The following ADAMTS17 variants were observed in gnomAD, a reference collection of about 807,000 sequenced individuals.
ADAMTS17 encodes ADAM metallopeptidase with thrombospondin type 1 motif 17, also known as A disintegrin and metalloproteinase with thrombospondin motifs 17.
Under a neutral mutation model 141.5 loss-of-function variants are expected in ADAMTS17, and 113 were observed. The observed-to-expected ratio is 0.80, with a 90% confidence interval of 0.69 to 0.93. The LOEUF (loss-of-function observed/expected upper bound fraction) is 0.93. Among genes scored for constraint, ADAMTS17 ranks in the 40% least tolerant of loss-of-function variants. ADAMTS17 has a pLI of 0.00. For missense variants in ADAMTS17, 1,659 were observed against 1,517.9 expected, an observed-to-expected ratio of 1.09 and a Z score of -1.54; for synonymous variants, 768 against 630.6, an observed-to-expected ratio of 1.22 and a Z score of -3.27.
chr15:100,058,585 C>A (rs568776131), intron 15 of ADAMTS17, among the ~76,000 whole-genome samples: 66 of 152,036 alleles, frequency 4.3e-4, no homozygotes, highest in Non-Finnish European at 7.8e-4. Context: ...GGTTATAAGA[C>A]CATCCTCAGA....
intron 8 of ADAMTS17, among the ~76,000 whole-genome samples, chr15:100,175,478 A>T (rs1375046592): frequency 1.3e-5 from 2 of 152,170 alleles, no homozygotes; most frequent in Non-Finnish European, 2.9e-5. Flanking sequence ...GGCCTTCAAG[A>T]GAATCCTAAT....
chr15:99,982,129 G>T (rs1596148457), intron 20 of ADAMTS17, among the ~76,000 whole-genome samples: 3 of 152,264 alleles, frequency 2.0e-5, no homozygotes, highest in African/African-American at 7.2e-5. Context: ...AGTAGAGGCA[G>T]TGTGGAATAG....
At chr15:100,283,640 G>A (rs542223729) in intron 3 of ADAMTS17, among the ~76,000 whole-genome samples, 1 of 152,314 alleles carries the variant, frequency 6.6e-6, no homozygotes, top group East Asian at 1.9e-4. Flanking sequence ...TTCACACCTT[G>A]TCGTATATTT....
In ADAMTS17 at chr15:99,993,695, G is replaced by A. The variant is rs2060737254; in HGVS notation, c.2797-495C>T. Among the ~76,000 whole-genome samples the A allele has an allele frequency of 1.3e-5, 2 of 152,220 alleles. No homozygotes were observed. Among genetic ancestry groups the A allele is most frequent in the Non-Finnish European group, 2.9e-5 (2 of 68,042 alleles). On this transcript the variant is annotated intron_variant, in intron 19 of 21. Transcript: ENST00000268070. This position sits in a 1 kb window ranked among gnomAD's most constrained non-coding sequence, Gnocchi z 4.3. ...AACTCCTCGATCCAGCCGGGAGAAG[G>A]AGGAGGAGGCGGCAGAAGGAAGGAA... is the stretch of plus-strand genomic sequence containing the variant.
intron 15 of ADAMTS17, among the ~76,000 whole-genome samples, chr15:100,058,959 G>A (rs2032886480): frequency 6.6e-6 from 1 of 152,196 alleles, no homozygotes; most frequent in Non-Finnish European, 1.5e-5. Context: ...GTTCTCTGGG[G>A]AAAATAGCCT....
chr15:100,321,419 A>AT (rs1316328782), intron 3 of ADAMTS17, among the ~76,000 whole-genome samples: 2 of 152,236 alleles, frequency 1.3e-5, no homozygotes, highest in Admixed American at 6.5e-5. Flanking sequence ...CAAATTTGAC[A>AT]TTTTTTAAAA....
intron 7 of ADAMTS17, among the ~76,000 whole-genome samples, chr15:100,249,865 C>T (rs1303709205): frequency 6.6e-6 from 1 of 152,186 alleles, no homozygotes; most frequent in African/African-American, 2.4e-5. Context: ...CATTAAAACA[C>T]TTAACAATAA....
chr15:100,324,618 C>T (rs12050809), intron 3 of ADAMTS17, among the ~76,000 whole-genome samples: 54,923 of 151,924 alleles, frequency 0.36, 10,824 homozygotes, highest in Middle Eastern at 0.5. Flanking sequence ...TACTAAGATT[C>T]CTTGATTTCT....
intron 6 of ADAMTS17, among the ~76,000 whole-genome samples, chr15:100,260,645 A>C (rs2043485940): frequency 6.6e-6 from 1 of 152,032 alleles, no homozygotes; most frequent in Admixed American, 6.5e-5. Context: ...ACAAAAAACA[A>C]AACAAAACAA....
In ADAMTS17 at chr15:99,997,831, G is replaced by A. The variant is rs892783590; in HGVS notation, c.2592-242C>T. On this transcript the variant is annotated intron_variant, in intron 18 of 21. Coordinates refer to ENST00000268070, the MANE Select transcript of ADAMTS17 (RefSeq NM_139057.4). The surrounding 1 kb of genome is among the most constrained non-coding windows in gnomAD (Gnocchi z 4.7). ...ATCTTTCTGCAACCAACACCCCTAC[G>A]GCAGACAGAATTATCTGGTCACGGC... Among the ~76,000 whole-genome samples the A allele has an allele frequency of 7.9e-5, 12 of 152,106 alleles. No individual in the cohort carries two copies. Among genetic ancestry groups the A allele is most frequent in the African/African-American group, 9.7e-5 (4 of 41,414 alleles).
chr15:100,024,569 C>T (rs965453180), intron 18 of ADAMTS17, among the ~76,000 whole-genome samples: 9 of 152,280 alleles, frequency 5.9e-5, no homozygotes, highest in East Asian at 5.8e-4. Context: ...TGGATCTCTC[C>T]GTGATGGGGA....
chr15:100,145,402 C>T (rs1371467694), intron 10 of ADAMTS17, among the ~76,000 whole-genome samples: 3 of 152,188 alleles, frequency 2.0e-5, no homozygotes, highest in African/African-American at 7.2e-5. Context: ...TTTACAGCAT[C>T]TAGCAAGTAG....
rs138012161 is a variant in ADAMTS17, at chr15:100,261,508, G to A, written c.1002C>T (p.Pro334=). Residue 334 remains proline (P), a synonymous_variant, in exon 6 of 22, where the codon CCC becomes CCT. Transcript: ENST00000268070. ...TCACAAACACGGCAGCATCCACCAG[G>A]GGCGGGTCGTCCTTCCCGCCGGGAA... ...NQVPGGKDDP[P]LVDAAVFVTR... 2.8e-4 allele frequency: 457 copies of A among 1,614,160 alleles called. 1 individual carries two copies. The highest frequency in any genetic ancestry group is 1.7e-3 in the Middle Eastern group (10 of 6,052).
intron 13 of ADAMTS17, among the ~76,000 whole-genome samples, chr15:100,110,480 G>A (rs1359478348): frequency 6.6e-6 from 1 of 151,736 alleles, no homozygotes; most frequent in Non-Finnish European, 1.5e-5. Flanking sequence ...TAGCCAGGGT[G>A]GTCTCGATCT....
chr15:99,979,015 C>T (rs1379579628), intron 20 of ADAMTS17: 1 of 152,230 alleles, frequency 6.6e-6, no homozygotes, highest in South Asian at 2.1e-4. Context: ...GCAAGAACAA[C>T]ATCCAGGCGC....
intron 14 of ADAMTS17, among the ~76,000 whole-genome samples, chr15:100,098,216 G>T (rs2035880403): frequency 2.0e-5 from 3 of 152,018 alleles, no homozygotes; most frequent in African/African-American, 7.2e-5. Context: ...GCAATGCTTT[G>T]CCGGGGCTGA....
chr15:100,267,388 C>T (rs1214161030), intron 4 of ADAMTS17, among the ~76,000 whole-genome samples: 1 of 152,154 alleles, frequency 6.6e-6, no homozygotes, highest in African/African-American at 2.4e-5. Flanking sequence ...CAATGGACAC[C>T]TTGGCTGTTT....
intron 7 of ADAMTS17, among the ~76,000 whole-genome samples, chr15:100,214,683 C>T (rs117626270): frequency 2.2e-4 from 33 of 152,298 alleles, no homozygotes; most frequent in Non-Finnish European, 4.1e-4. Context: ...TTCTTCCGGG[C>T]ACTGGAAATC....
chr15:100,281,525 C>T, intron 3 of ADAMTS17, 124 bp from the exon 4 acceptor site: 1 of 1,249,616 alleles, frequency 8.0e-7, no homozygotes. Flanking sequence ...TAGAGGGGCC[C>T]AGCACCCAGC....
Sources: gnomAD v4.1 joint callset for allele counts (sites outside exome capture counted in the v4.1 genomes callset) on GRCh38, gnomAD v4.1.1 for gene constraint, Gnocchi (gnomAD v3.1) non-coding constraint, MANE v1.5 for transcripts, NCBI Gene and HGNC (gene_info 2026-07-23, HGNC 2026-07-21) for gene names.